Variants in KCNMA1 observed in about 807,000 individuals in gnomAD.
The protein encoded by KCNMA1 is potassium calcium-activated channel subfamily M alpha 1, also known as Calcium-activated potassium channel subunit alpha-1.
Under a neutral mutation model 140.0 loss-of-function variants are expected in KCNMA1, and 29 were observed. The ratio of observed to expected loss-of-function variants is 0.21; its 90% CI spans 0.15 to 0.28. The LOEUF (loss-of-function observed/expected upper bound fraction) is 0.28. Ranked by LOEUF, KCNMA1 falls within the 10% of genes least tolerant of loss-of-function variation. The probability of loss-of-function intolerance (pLI) is 1.00; values close to 1 mark genes in which losing one functional copy is unlikely to be tolerated. For synonymous variants in KCNMA1, 612 were observed against 611.9 expected (o/e 1.00, Z 0.00); for missense variants, 880 against 1,602.2 (o/e 0.55, Z 7.70).
At chr10:77,620,683 G>A (rs2091087393) in intron 1 of KCNMA1, among the ~76,000 whole-genome samples, 1 of 152,158 alleles carries the variant, frequency 6.6e-6, no homozygotes, top group African/African-American at 2.4e-5. Flanking sequence ...GTTCTCTCTG[G>A]CCACTCCCTC....
chr10:77,143,228 C>T (rs573865377), intron 5 of KCNMA1, among the ~76,000 whole-genome samples: 3 of 151,964 alleles, frequency 2.0e-5, no homozygotes, highest in East Asian at 1.9e-4. Context: ...ACTTTAGAAT[C>T]GAGTAAATAG....
chr10:77,209,566 C>A (rs1489064234), intron 3 of KCNMA1, among the ~76,000 whole-genome samples: 5 of 152,070 alleles, frequency 3.3e-5, no homozygotes, highest in Admixed American at 2.6e-4. Flanking sequence ...CTCTGTTCTC[C>A]ACATTAAAAT....
intron 14 of KCNMA1, among the ~76,000 whole-genome samples, chr10:77,050,522 A>C (rs182588847): frequency 6.6e-6 from 1 of 152,310 alleles, no homozygotes; most frequent in East Asian, 1.9e-4. Context: ...TTACTTAGTA[A>C]AAGTCCTTTG....
At position 77,079,789 on chromosome 10, in the gene KCNMA1, C is replaced by T. The variant is rs956622130; in HGVS notation, c.1524-239G>A. On this transcript the variant is annotated intron_variant, in intron 12 of 27. Coordinates refer to ENST00000286628, the MANE Select transcript of KCNMA1 (RefSeq NM_001161352.2). Reference sequence around the variant, plus strand: ...GTGTGCCCTGTCAGTTTACCATTGCCATGGCAACACCCAGGAGGTTCCCTA... The same window carrying T: ...GTGTGCCCTGTCAGTTTACCATTGCTATGGCAACACCCAGGAGGTTCCCTA... 7 of 565,066 alleles carry T rather than the reference C, an allele frequency of 1.2e-5. No individual in the cohort carries two copies. In the African/African-American group the frequency reaches 1.3e-4, roughly 11 times the overall value. The allele number at this position is 565,066 out of a possible 1,614,324, so 35.0% of individuals were successfully genotyped here. A position where few individuals can be genotyped will look rare whatever the true frequency, so the allele number is the denominator to read the frequency against.
chr10:77,183,638 C>T, intron 4 of KCNMA1, 106 bp from the exon 5 acceptor site: 1 of 771,402 alleles, frequency 1.3e-6, no homozygotes. Flanking sequence ...TTCATAGGGC[C>T]ACCACGCCCG....
At position 77,233,993 on chromosome 10, in the gene KCNMA1, G is replaced by A. The variant is rs2054542784; in HGVS notation, c.602+17202C>T. ...TTAATGACACTTGTAACTTTTTTTA[G>A]CAACAGAAATCTCAGATATTTACAT... On this transcript the variant is annotated intron_variant, in intron 3 of 27. Coordinates refer to ENST00000286628, the MANE Select transcript of KCNMA1 (RefSeq NM_001161352.2). Among the ~76,000 whole-genome samples the A allele has an allele frequency of 2.0e-5, 3 of 152,008 alleles. No individual in the cohort carries two copies. In the South Asian group the frequency reaches 6.2e-4, roughly 31 times the overall value.
chr10:77,069,895 G>A lies in KCNMA1; in HGVS notation c.1749+3202C>T, dbSNP rs958029688. On this transcript the variant is annotated intron_variant, in intron 14 of 27. Transcript: ENST00000286628. ...CAATGGCATGATCTTGGCTCACTGC[G>A]ACCTCCGCCTCCTGGGTTCAAGCAA... 4.6e-5 allele frequency among the ~76,000 whole-genome samples: 7 copies of A among 152,064 alleles called. No individual in the cohort carries two copies. In the South Asian group the frequency reaches 6.2e-4, roughly 14 times the overall value.
chr10:77,538,143 A>C (rs924697828), intron 1 of KCNMA1, among the ~76,000 whole-genome samples: 2 of 151,670 alleles, frequency 1.3e-5, no homozygotes, highest in African/African-American at 4.9e-5. Flanking sequence ...CTACATTCAC[A>C]TACACACTCT....
intron 5 of KCNMA1, among the ~76,000 whole-genome samples, chr10:77,127,071 AACACACACACAC>A (rs60249347): frequency 0.017 from 2,451 of 146,450 alleles, 58 homozygotes; most frequent in East Asian, 0.1. Context: ...CACACACACA[AACACACACACAC>A]ACACACACAC....
chr10:77,571,699 C>T (rs1287683895), intron 1 of KCNMA1, among the ~76,000 whole-genome samples: 3 of 152,176 alleles, frequency 2.0e-5, no homozygotes, highest in African/African-American at 7.2e-5. Context: ...CCAGGTCTGG[C>T]TCCCTGGGTA....
intron 3 of KCNMA1, 113 bp downstream of exon 3, chr10:77,251,079 ATCT>A: frequency 1.2e-6 from 1 of 836,422 alleles, no homozygotes; most frequent in African/African-American, 1.7e-5. Flanking sequence ...TTCCTCCAAA[ATCT>A]TCTGCACTCA....
rs555234371 is a variant in KCNMA1 at position 77,475,977 on chromosome 10, C to G, written c.379-71954G>C. Among the ~76,000 whole-genome samples, 3 of 152,316 alleles carry G rather than the reference C, an allele frequency of 2.0e-5. 1 individual carries two copies. The South Asian group carries it at 6.2e-4, about 32-fold the overall frequency. ...TTGACTTCAAAATCTTCCTCTTCAA[C>G]ACAAACCACAACCACAAAGAGAAGG... On this transcript the variant is annotated intron_variant, in intron 1 of 27. Transcript: ENST00000286628.
At chr10:77,094,012 G>A (rs2096872516) in intron 9 of KCNMA1, among the ~76,000 whole-genome samples, 1 of 152,176 alleles carries the variant, frequency 6.6e-6, no homozygotes, top group South Asian at 2.1e-4. Flanking sequence ...TGAGGGGCCA[G>A]AGCTGGTGCC....
At chr10:77,611,574 G>A (rs2673466) in intron 1 of KCNMA1, among the ~76,000 whole-genome samples, 33,428 of 152,116 alleles carry the variant, frequency 0.22, 3,966 homozygotes, top group African/African-American at 0.27. Flanking sequence ...ATTCAGCTAC[G>A]TAAAGTCCCT....
intron 2 of KCNMA1, among the ~76,000 whole-genome samples, chr10:77,301,434 C>G (rs2076503388): frequency 6.6e-6 from 1 of 152,174 alleles, no homozygotes; most frequent in South Asian, 2.1e-4. Context: ...TAAGGATCAT[C>G]ATCAGAAATA....
chr10:77,535,007 C>G (rs183834468), intron 1 of KCNMA1, among the ~76,000 whole-genome samples: 137 of 152,314 alleles, frequency 9.0e-4, no homozygotes, highest in African/African-American at 3.2e-3. Flanking sequence ...CCTATATCTA[C>G]AACCACACCT....
intron 23 of KCNMA1, among the ~76,000 whole-genome samples, chr10:76,926,519 A>G (rs551823684): frequency 6.6e-6 from 1 of 152,258 alleles, no homozygotes; most frequent in Admixed American, 6.5e-5. Context: ...AAAACAAAAC[A>G]CATGGGTTTT....
At chr10:77,508,340 ATTTTT>A (rs58578775) in intron 1 of KCNMA1, among the ~76,000 whole-genome samples, 2 of 131,654 alleles carry the variant, frequency 1.5e-5, no homozygotes, top group African/African-American at 2.9e-5. Context: ...ATGCCTGGCT[ATTTTT>A]TTTTTTTTTT....
intron 5 of KCNMA1, among the ~76,000 whole-genome samples, chr10:77,125,528 A>G (rs2097713128): frequency 6.6e-6 from 1 of 152,180 alleles, no homozygotes; most frequent in Admixed American, 6.5e-5. Context: ...TCCCTTGATC[A>G]GCGTGACTTT....
Sources: allele counts gnomAD v4.1 joint callset (sites outside exome capture counted in the v4.1 genomes callset), GRCh38; gene constraint gnomAD v4.1.1; transcripts MANE v1.5; gene names NCBI Gene and HGNC (gene_info 2026-07-23, HGNC 2026-07-21).